Variants in OSBPL10 observed in about 807,000 individuals in gnomAD.
OSBPL10 encodes the protein oxysterol binding protein like 10.
OSBPL10 carries 49 observed loss-of-function variants against 81.7 expected under a neutral mutation model. That is an observed-to-expected ratio of 0.60 (90% CI 0.48 to 0.76). OSBPL10 has a LOEUF of 0.76. Among genes scored for constraint, OSBPL10 ranks in the 30% least tolerant of loss-of-function variants. The pLI, the probability that OSBPL10 is intolerant of heterozygous loss-of-function variation, is 0.00. For missense variants in OSBPL10, 923 were observed against 987.8 expected (o/e 0.93, Z 0.88); for synonymous variants, 419 against 383.6 (o/e 1.09, Z -1.08).
At chr3:31,685,414 G>A (rs990938212) in intron 7 of OSBPL10, among the ~76,000 whole-genome samples, 1 of 152,046 alleles carries the variant, frequency 6.6e-6, no homozygotes, top group Non-Finnish European at 1.5e-5. Flanking sequence ...TGTTGCCCAG[G>A]CTCATTACAA....
intron 1 of OSBPL10, among the ~76,000 whole-genome samples, chr3:31,920,110 C>T (rs1696868039): frequency 6.6e-6 from 1 of 152,064 alleles, no homozygotes; most frequent in Non-Finnish European, 1.5e-5. Context: ...AAAGGTAAAA[C>T]TATAAAGACA....
At chr3:31,950,791 T>G (rs1309901749) in intron 1 of OSBPL10, among the ~76,000 whole-genome samples, 1 of 152,180 alleles carries the variant, frequency 6.6e-6, no homozygotes, top group Non-Finnish European at 1.5e-5. Flanking sequence ...TAGAGCTGGT[T>G]GTTTAAAGGA....
intron 2 of OSBPL10, among the ~76,000 whole-genome samples, chr3:32,026,758 G>A (rs1402373020): frequency 1.3e-5 from 2 of 152,170 alleles, no homozygotes; most frequent in Non-Finnish European, 2.9e-5. Flanking sequence ...GTGGTGAACA[G>A]CTTTTACTAC....
At chr3:32,074,934 C>G in intron 1 of OSBPL10, among the ~76,000 whole-genome samples, 1 of 152,230 alleles carries the variant, frequency 6.6e-6, no homozygotes, top group Admixed American at 6.5e-5. Context: ...CACATGTACT[C>G]TAGTCTTCCT....
intron 6 of OSBPL10, chr3:31,709,146 TC>T: frequency 1.7e-6 from 1 of 573,056 alleles, no homozygotes; most frequent in Non-Finnish European, 2.2e-6. Context: ...TACACGCATG[TC>T]CACACAGCAA....
chr3:31,801,111 C>T (rs773820124), intron 4 of OSBPL10, among the ~76,000 whole-genome samples: 1 of 152,096 alleles, frequency 6.6e-6, no homozygotes, highest in Non-Finnish European at 1.5e-5. Context: ...GATTCAGCCA[C>T]CTGGACTTGC....
At chr3:31,942,329 A>C (rs1438624353) in intron 1 of OSBPL10, among the ~76,000 whole-genome samples, 1 of 151,978 alleles carries the variant, frequency 6.6e-6, no homozygotes, top group Non-Finnish European at 1.5e-5. Context: ...AGGCGGGCGG[A>C]TCAGGAGTTT....
chr3:31,847,030 A>G (rs1013215908), intron 3 of OSBPL10, among the ~76,000 whole-genome samples: 2 of 152,044 alleles, frequency 1.3e-5, no homozygotes, highest in Non-Finnish European at 2.9e-5. Flanking sequence ...GTCCACTCTC[A>G]GTCCTCAAAA....
intron 1 of OSBPL10, among the ~76,000 whole-genome samples, chr3:31,974,228 T>G (rs1294058120): frequency 6.6e-6 from 1 of 152,080 alleles, no homozygotes; most frequent in African/African-American, 2.4e-5. Flanking sequence ...CAAATTAAAA[T>G]TGGATGACAT....
rs1247637906 is a variant in OSBPL10, at chr3:31,949,121, T to C, written c.281+31778A>G. On this transcript the variant is annotated intron_variant, in intron 1 of 11. Transcript: ENST00000396556. ...GCTTCTAACAATACTAAGGGGAAGT[T>C]GGGGAAAGAGGAGTTTTAGGTTGGT... Among the ~76,000 whole-genome samples the C allele has an allele frequency of 2.0e-5, 3 of 152,146 alleles. No homozygotes were observed. In the South Asian group the frequency reaches 6.2e-4, roughly 32 times the overall value.
At chr3:31,996,503 G>GC (rs948560230) in intron 2 of OSBPL10, among the ~76,000 whole-genome samples, 2 of 151,848 alleles carry the variant, frequency 1.3e-5, no homozygotes, top group Non-Finnish European at 2.9e-5. Context: ...TTGCCAGGGG[G>GC]AGAAGGGGGT....
At chr3:31,912,179 A>G (rs1262747612) in intron 1 of OSBPL10, among the ~76,000 whole-genome samples, 1 of 152,060 alleles carries the variant, frequency 6.6e-6, no homozygotes, top group African/African-American at 2.4e-5. Flanking sequence ...GCAGATCATG[A>G]GGTCAGGAGT....
intron 6 of OSBPL10, among the ~76,000 whole-genome samples, chr3:31,712,640 C>G (rs563476164): frequency 6.6e-6 from 1 of 152,214 alleles, no homozygotes; most frequent in Non-Finnish European, 1.5e-5. Context: ...GAAAGCAATG[C>G]AGCCCTGCCA....
intron 1 of OSBPL10, among the ~76,000 whole-genome samples, chr3:31,938,987 G>A (rs1158118592): frequency 1.3e-5 from 2 of 151,982 alleles, no homozygotes; most frequent in Non-Finnish European, 2.9e-5. Flanking sequence ...CCATTCAGTG[G>A]ATAAATGTCC....
chr3:31,815,232 C>T lies in OSBPL10; in HGVS notation c.729+14808G>A, dbSNP rs115218614. On this transcript the variant is annotated intron_variant, in intron 4 of 11. Coordinates refer to ENST00000396556, the MANE Select transcript of OSBPL10 (RefSeq NM_017784.5). ...CTGCCAGCCCCTGGCTTGCTCTTCC[C>T]GCCCCCCAATAATTCCACAGGAAAC... is the stretch of plus-strand genomic sequence containing the variant. Among the ~76,000 whole-genome samples, 924 of 150,124 alleles carry T rather than the reference C, an allele frequency of 6.2e-3. 9 individuals are homozygous for T. Among genetic ancestry groups the T allele is most frequent in the African/African-American group, 0.022 (891 of 40,892 alleles).
rs187065779 is a variant in OSBPL10, at chr3:32,017,494, G to C, written n.298+28997C>G. Among the ~76,000 whole-genome samples the C allele has an allele frequency of 5.3e-5, 8 of 151,976 alleles. No individual in the cohort carries two copies. In the East Asian group the frequency reaches 1.5e-3, roughly 29 times the overall value. On this transcript the variant is annotated intron_variant and non_coding_transcript_variant, in intron 2 of 3. Coordinates refer to the OSBPL10 transcript ENST00000479173. ...CTTACCTAATATGGTTTGGCAAGTG[G>C]CTGAGCTGAGATTCAAAAAAAAAAA...
intron 1 of OSBPL10, among the ~76,000 whole-genome samples, chr3:32,066,762 C>T (rs958475214): frequency 1.3e-5 from 2 of 152,152 alleles, no homozygotes; most frequent in African/African-American, 2.4e-5. Context: ...ATCCTAATAA[C>T]GTCACCCACA....
intron 6 of OSBPL10, among the ~76,000 whole-genome samples, chr3:31,720,258 T>C (rs370883182): frequency 8.9e-4 from 136 of 152,194 alleles, no homozygotes; most frequent in African/African-American, 3.1e-3. Context: ...CTCCTCCTAC[T>C]ACTGCCAAAG....
chr3:31,834,042 A>G (rs1441978119), intron 3 of OSBPL10, among the ~76,000 whole-genome samples: 1 of 152,182 alleles, frequency 6.6e-6, no homozygotes, highest in East Asian at 1.9e-4. Flanking sequence ...CATGAGCAAA[A>G]AAGTCTTACC....
Sources: allele counts gnomAD v4.1 joint callset (sites outside exome capture counted in the v4.1 genomes callset), GRCh38; gene constraint gnomAD v4.1.1; transcripts MANE v1.5; gene names NCBI Gene and HGNC (gene_info 2026-07-23, HGNC 2026-07-21).